Variants in MYO3A observed in about 807,000 individuals in gnomAD.
MYO3A encodes the protein myosin-IIIa.
Under a neutral mutation model 192.7 loss-of-function variants are expected in MYO3A, and 180 were observed. That is an observed-to-expected ratio of 0.93 (90% confidence interval 0.83 to 1.06). MYO3A has a LOEUF of 1.06. Ranked by LOEUF, MYO3A falls within the 50% of genes least tolerant of loss-of-function variation. The probability of loss-of-function intolerance (pLI) is 0.00; values close to 1 mark genes in which losing one functional copy is unlikely to be tolerated. For missense variants in MYO3A, 1,896 were observed against 1,905.0 expected, an observed-to-expected ratio of 1.00 and a Z score of 0.09; for synonymous variants, 628 against 645.3, an observed-to-expected ratio of 0.97 and a Z score of 0.41.
chr10:26,207,981 TC>T (rs1415743578), intron 34 of MYO3A, among the ~76,000 whole-genome samples: 1 of 152,224 alleles, frequency 6.6e-6, no homozygotes, highest in Non-Finnish European at 1.5e-5. Flanking sequence ...AATGTATAGA[TC>T]TTTTACCTCC....
intron 15 of MYO3A, among the ~76,000 whole-genome samples, chr10:26,092,592 A>G (rs546209159): frequency 2.8e-4 from 42 of 152,284 alleles, no homozygotes; most frequent in Non-Finnish European, 4.7e-4. Flanking sequence ...ACACCGTTTG[A>G]GGCTGTCAGA....
At chr10:26,055,691 G>C (rs35910926) in intron 10 of MYO3A, among the ~76,000 whole-genome samples, 24,716 of 152,092 alleles carry the variant, frequency 0.16, 2,286 homozygotes, top group Non-Finnish European at 0.21. Flanking sequence ...TAAAAATATG[G>C]CAGAGCATTC....
intron 10 of MYO3A, among the ~76,000 whole-genome samples, chr10:26,028,398 A>T (rs1842655976): frequency 6.6e-6 from 1 of 152,232 alleles, no homozygotes; most frequent in South Asian, 2.1e-4. Flanking sequence ...GCCTTGCTGC[A>T]GAGACAGACC....
intron 6 of MYO3A, 78 bp from the exon 7 acceptor site, chr10:26,016,742 G>A: frequency 7.4e-7 from 1 of 1,342,782 alleles, no homozygotes; most frequent in East Asian, 2.3e-5. Context: ...ATATTAGTTT[G>A]CAAAAAAGAT....
intron 4 of MYO3A, among the ~76,000 whole-genome samples, chr10:25,996,096 C>T (rs995441502): frequency 1.3e-5 from 2 of 152,246 alleles, no homozygotes; most frequent in African/African-American, 2.4e-5. Context: ...GCCCTGCCCC[C>T]ACAGGTGGAG....
chr10:26,089,024 G>C (rs748266739), intron 15 of MYO3A, among the ~76,000 whole-genome samples: 1 of 152,138 alleles, frequency 6.6e-6, no homozygotes, highest in Non-Finnish European at 1.5e-5. Flanking sequence ...TTACACATTG[G>C]ATTTGTACCC....
intron 10 of MYO3A, among the ~76,000 whole-genome samples, chr10:26,033,137 G>A (rs542040212): frequency 6.6e-6 from 1 of 151,988 alleles, no homozygotes; most frequent in African/African-American, 2.4e-5. Context: ...GCAGTGGCAC[G>A]ATCTCAGCTC....
intron 20 of MYO3A, among the ~76,000 whole-genome samples, chr10:26,134,393 A>G (rs925191599): frequency 3.3e-5 from 5 of 152,220 alleles, no homozygotes; most frequent in Non-Finnish European, 7.4e-5. Flanking sequence ...TTCAAATAGA[A>G]AATACAGGAA....
intron 10 of MYO3A, among the ~76,000 whole-genome samples, chr10:26,047,428 G>A (rs75264717): frequency 0.077 from 11,767 of 152,132 alleles, 600 homozygotes; most frequent in Middle Eastern, 0.11. Flanking sequence ...CTTCAAATTA[G>A]CAATGCCTAG....
chr10:26,212,374 C>A lies in MYO3A; in HGVS notation c.*411C>A. 2.9e-6 allele frequency: 1 copy of A among 345,744 alleles called. No homozygotes were observed. Among genetic ancestry groups the A allele is most frequent in the South Asian group, 1.5e-4 (1 of 6,646 alleles). The allele number at this position is 345,744 out of a possible 1,614,324, so 21.4% of individuals were successfully genotyped here. A position where few individuals can be genotyped will look rare whatever the true frequency, so the allele number is the denominator to read the frequency against. Reference sequence around the variant, plus strand: ...AGATTTTTTTTTTTATTGGAAACGGCTTTTCTTGGCCAACAGAACACTTGC... The same window carrying A: ...AGATTTTTTTTTTTATTGGAAACGGATTTTCTTGGCCAACAGAACACTTGC... On this transcript the variant is annotated 3_prime_UTR_variant, in exon 35 of 35. Coordinates refer to ENST00000642920, the MANE Select transcript of MYO3A (RefSeq NM_017433.5).
chr10:25,936,622 G>A (rs1836086531), intron 2 of MYO3A, among the ~76,000 whole-genome samples: 1 of 152,114 alleles, frequency 6.6e-6, no homozygotes, highest in South Asian at 2.1e-4. Flanking sequence ...ATACACAGAC[G>A]ATCCCTTACT....
chr10:26,178,108 C>T (rs1036440260), intron 31 of MYO3A, among the ~76,000 whole-genome samples: 12 of 152,178 alleles, frequency 7.9e-5, no homozygotes, highest in Non-Finnish European at 1.5e-4. Flanking sequence ...GCCCAGGAGG[C>T]ATGCTGGCAG....
intron 4 of MYO3A, among the ~76,000 whole-genome samples, chr10:25,992,394 C>T (rs1425071379): frequency 6.6e-6 from 1 of 152,212 alleles, no homozygotes; most frequent in Non-Finnish European, 1.5e-5. Context: ...TGCTTATCAA[C>T]TTAAGGAGAT....
chr10:26,003,803 A>G (rs1189188826), intron 6 of MYO3A, among the ~76,000 whole-genome samples: 2 of 152,216 alleles, frequency 1.3e-5, no homozygotes, highest in East Asian at 3.9e-4. Flanking sequence ...ATTTCAATAC[A>G]AAAGTACAGA....
intron 10 of MYO3A, among the ~76,000 whole-genome samples, chr10:26,040,872 C>T (rs1486078763): frequency 6.6e-6 from 1 of 152,032 alleles, no homozygotes; most frequent in Non-Finnish European, 1.5e-5. Flanking sequence ...ATTCTATAGC[C>T]ATTGGATGAA....
At chr10:26,186,429 G>A (rs969284253) in intron 31 of MYO3A, among the ~76,000 whole-genome samples, 1 of 151,898 alleles carries the variant, frequency 6.6e-6, no homozygotes, top group Non-Finnish European at 1.5e-5. Flanking sequence ...ACCACACCCG[G>A]CTAATTTTTT....
In MYO3A at chr10:26,166,090, C is replaced by T. The variant is rs752039263; in HGVS notation, c.3023C>T (p.Ser1008Leu). Residue 1008 changes from serine to leucine, a missense_variant, in exon 27 of 35, where the codon TCG becomes TTG. Coordinates refer to ENST00000642920, the MANE Select transcript of MYO3A (RefSeq NM_017433.5). ...IKRYYLLCYK[S>L]SEEPRMSPDT... ...AGGTACTACCTTCTCTGCTACAAGTCGAGCGAGGAGCCCCGCATGAGCCCT... is the reference window on the plus strand; with the variant it reads ...AGGTACTACCTTCTCTGCTACAAGTTGAGCGAGGAGCCCCGCATGAGCCCT... 4 of 1,613,976 alleles carry T rather than the reference C, an allele frequency of 2.5e-6. No individual in the cohort carries two copies. The highest frequency in any genetic ancestry group is 2.2e-5 in the East Asian group (1 of 44,898).
intron 31 of MYO3A, among the ~76,000 whole-genome samples, chr10:26,177,127 A>G (rs1208779263): frequency 6.6e-6 from 1 of 152,004 alleles, no homozygotes; most frequent in Non-Finnish European, 1.5e-5. Context: ...GGGTTGGTAT[A>G]GAGAGGGGGG....
rs1839350904 is a variant in MYO3A, at chr10:26,128,550, T to C, written c.2262+12T>C. ...TTGCATGGGAACAGGTAAGTCTAAG[T>C]ACTTACTATAAATATGCATGCATGC... On this transcript the variant is annotated intron_variant, in intron 20 of 34. Coordinates refer to ENST00000642920, the MANE Select transcript of MYO3A (RefSeq NM_017433.5). 5 of 1,599,826 alleles carry C rather than the reference T, an allele frequency of 3.1e-6. No homozygotes were observed. The East Asian group carries it at 1.1e-4, about 36-fold the overall frequency.
Sources: gnomAD v4.1 joint callset for allele counts (sites outside exome capture counted in the v4.1 genomes callset) on GRCh38, gnomAD v4.1.1 for gene constraint, MANE v1.5 for transcripts, NCBI Gene and HGNC (gene_info 2026-07-23, HGNC 2026-07-21) for gene names.